KDM4C: variants seen among roughly 807,000 people sequenced by gnomAD.
The protein encoded by KDM4C is lysine demethylase 4C.
KDM4C carries 81 observed loss-of-function variants against 129.3 expected under a neutral mutation model. The ratio of observed to expected loss-of-function variants is 0.63; its 90% CI spans 0.52 to 0.75. The LOEUF (loss-of-function observed/expected upper bound fraction) is 0.75, where lower values mean the gene tolerates loss of function less well. KDM4C is among the 30% of genes least tolerant of loss of function. The pLI is 0.00. For synonymous variants in KDM4C, 573 were observed against 456.1 expected (o/e 1.26, Z -3.26); for missense variants, 1,457 against 1,304.0 (o/e 1.12, Z -1.81).
chr9:7,071,299 A>G (rs1003564228), intron 17 of KDM4C, among the ~76,000 whole-genome samples: 1 of 152,188 alleles, frequency 6.6e-6, no homozygotes, highest in Non-Finnish European at 1.5e-5. Context: ...AGAAAATGAT[A>G]ATCGAATTCT....
At chr9:6,752,177 C>G (rs572027130) in intron 1 of KDM4C, among the ~76,000 whole-genome samples, 77 of 150,052 alleles carry the variant, frequency 5.1e-4, no homozygotes, top group African/African-American at 1.7e-3. Context: ...ACTAAAAATA[C>G]AAAAAATTAG....
intron 15 of KDM4C, among the ~76,000 whole-genome samples, chr9:7,021,971 A>T (rs528971982): frequency 3.9e-5 from 6 of 152,248 alleles, no homozygotes; most frequent in African/African-American, 1.4e-4. Flanking sequence ...CTGTAGATGT[A>T]TGGATTTACC....
Position 7,065,808 on chromosome 9 carries a change from G to A in KDM4C, c.2424+16608G>A, listed in dbSNP as rs189991271. ...TAAGTGTCACTTGTTGATGCATTTA[G>A]TGATTGTTGACCCATATTTAATTCT... On this transcript the variant is annotated intron_variant, in intron 17 of 21. Coordinates refer to ENST00000381309, the MANE Select transcript of KDM4C (RefSeq NM_015061.6). 3.9e-4 allele frequency among the ~76,000 whole-genome samples: 59 copies of A among 152,244 alleles called. 1 individual carries two copies. In the East Asian group the frequency reaches 9.1e-3, roughly 23 times the overall value.
Position 6,984,224 on chromosome 9 carries a change from T to C in KDM4C, c.1174T>C (p.Ser392Pro). The C allele has an allele frequency of 6.2e-7, 1 of 1,613,762 alleles. No individual in the cohort carries two copies. Among genetic ancestry groups the C allele is most frequent in the East Asian group, 2.2e-5 (1 of 44,892 alleles). Residue 392 changes from serine (S) to proline (P), a missense_variant, in exon 10 of 22, where the codon TCA (serine) becomes CCA (proline). By Grantham distance (74) the Ser-to-Pro change is moderately conservative. Coordinates refer to ENST00000381309, the MANE Select transcript of KDM4C (RefSeq NM_015061.6). ...RPKADEEEEV[S>P]DEVDGAEVPN... ...TAAGGCTGATGAGGAAGAGGAAGTG[T>C]CAGATGAAGTCGATGGGGCAGAGGT...
chr9:6,849,580 T>C lies in KDM4C; in HGVS notation c.509T>C (p.Ile170Thr). ...GTTGAAGAAGAGTGTGGCATTTCTA[T>C]TGAGGGTGTAAATACCCCATATCTC... Reference protein sequence around the residue: ...DVVEEECGISIEGVNTPYLYF... With the variant: ...DVVEEECGISTEGVNTPYLYF... Residue 170 changes from isoleucine (I) to threonine (T), a missense_variant, in exon 5 of 22, where the codon ATT becomes ACT. By Grantham distance (89) the Ile-to-Thr change is moderately conservative (BLOSUM62 -1). Transcript: ENST00000381309. 1.2e-6 allele frequency: 2 copies of C among 1,614,042 alleles called. No homozygotes were observed. The highest frequency in any genetic ancestry group is 2.2e-5 in the East Asian group (1 of 44,882).
intron 4 of KDM4C, among the ~76,000 whole-genome samples, chr9:6,832,602 T>C (rs1835061044): frequency 1.3e-5 from 2 of 150,372 alleles, no homozygotes; most frequent in South Asian, 4.2e-4. Context: ...ATTTTTTGTA[T>C]TTTTAGTAGA....
intron 12 of KDM4C, among the ~76,000 whole-genome samples, chr9:6,997,413 A>G (rs1017492681): frequency 6.6e-6 from 1 of 152,204 alleles, no homozygotes; most frequent in East Asian, 1.9e-4. Flanking sequence ...AAAACAAGAG[A>G]GCTTGCTTGC....
chr9:6,846,544 T>C (rs1323179569), intron 4 of KDM4C, among the ~76,000 whole-genome samples: 1 of 125,948 alleles, frequency 7.9e-6, no homozygotes, highest in Admixed American at 8.7e-5. Flanking sequence ...TTTGAAACAA[T>C]AAGATTTATC....
At chr9:6,966,213 C>T (rs1197282206) in intron 8 of KDM4C, among the ~76,000 whole-genome samples, 2 of 151,974 alleles carry the variant, frequency 1.3e-5, no homozygotes, top group African/African-American at 2.4e-5. Context: ...GACGGAGTCT[C>T]GCTCTGTCTC....
chr9:7,053,613 T>A (rs1335946685), intron 17 of KDM4C, among the ~76,000 whole-genome samples: 1 of 152,230 alleles, frequency 6.6e-6, no homozygotes, highest in African/African-American at 2.4e-5. Flanking sequence ...ATATTTTCTT[T>A]TATTTCTGTG....
Position 6,899,408 on chromosome 9 carries a change from T to G in KDM4C, c.921+6176T>G, listed in dbSNP as rs117217239. 2.3e-4 allele frequency among the ~76,000 whole-genome samples: 35 copies of G among 152,258 alleles called. 1 individual carries two copies. In the East Asian group the frequency reaches 6.6e-3, roughly 28 times the overall value. ...CAGGCAACCAGACCAAAGTCCGTAG[T>G]TTACATTAGGGCTCACTCTGGGTGT... On this transcript the variant is annotated intron_variant, in intron 8 of 21. Coordinates refer to ENST00000381309, the MANE Select transcript of KDM4C (RefSeq NM_015061.6).
chr9:6,878,958 C>A (rs73403302), intron 5 of KDM4C, among the ~76,000 whole-genome samples: 3 of 152,170 alleles, frequency 2.0e-5, no homozygotes, highest in Non-Finnish European at 4.4e-5. Context: ...TCGGTTGGAA[C>A]AATTTCATTA....
At position 6,986,596 on chromosome 9, in the gene KDM4C, G is replaced by T; in HGVS notation, c.1607G>T (p.Gly536Val). ...EGEESDVESH[G>V]NGLEPGEIPA... ...GAAGAGAGTGATGTGGAGAGCCATG[G>T]GAATGGCCTTGAACCTGGGGAAATC... Residue 536 changes from glycine (G) to valine (V), a missense_variant, in exon 11 of 22, where the codon GGG (glycine) becomes GTG (valine). Coordinates refer to ENST00000381309, the MANE Select transcript of KDM4C (RefSeq NM_015061.6). The T allele has an allele frequency of 6.2e-7, 1 of 1,614,044 alleles. No homozygotes were observed. The highest frequency in any genetic ancestry group is 8.5e-7 in the Non-Finnish European group (1 of 1,179,954).
At chr9:6,993,923 T>G (rs1192947343) in intron 12 of KDM4C, among the ~76,000 whole-genome samples, 2 of 152,190 alleles carry the variant, frequency 1.3e-5, no homozygotes, top group African/African-American at 4.8e-5. Context: ...TTCATTTCCC[T>G]TAACTTTGCG....
At chr9:7,050,251 T>A (rs1343508969) in intron 17 of KDM4C, among the ~76,000 whole-genome samples, 1 of 139,526 alleles carries the variant, frequency 7.2e-6, no homozygotes, top group African/African-American at 2.5e-5. Flanking sequence ...TTACTGTGGC[T>A]GATGTGAGTG....
chr9:6,765,679 A>G (rs907551208), intron 1 of KDM4C, among the ~76,000 whole-genome samples: 2 of 152,246 alleles, frequency 1.3e-5, no homozygotes, highest in African/African-American at 4.8e-5. Context: ...TAAAACCAGG[A>G]CACGCATTGG....
rs1432429359 is a variant in KDM4C, at chr9:6,763,039, G to GA, written c.-18+4836_-18+4837insA. Among the ~76,000 whole-genome samples the GA allele has an allele frequency of 2.6e-5, 4 of 151,884 alleles. No individual in the cohort carries two copies. In the East Asian group the frequency reaches 7.7e-4, roughly 29 times the overall value. Reference sequence around the variant, plus strand: ...CTCCTTACCCTTCCGCTGGTGGGGGGGGATGGATGGGGGGTAGAGGGGGCG... The same window carrying GA: ...CTCCTTACCCTTCCGCTGGTGGGGGGAGGATGGATGGGGGGTAGAGGGGGCG... On this transcript the variant is annotated intron_variant, in intron 1 of 21. Transcript: ENST00000381309.
intron 19 of KDM4C, among the ~76,000 whole-genome samples, chr9:7,162,181 CTT>C (rs1843872081): frequency 6.6e-6 from 1 of 152,178 alleles, no homozygotes; most frequent in Non-Finnish European, 1.5e-5. Flanking sequence ...CACAGAATAA[CTT>C]ATCTTGTTAC....
chr9:6,912,067 G>A (rs1041758521), intron 8 of KDM4C, among the ~76,000 whole-genome samples: 5 of 152,196 alleles, frequency 3.3e-5, no homozygotes, highest in African/African-American at 4.8e-5. Flanking sequence ...GGCACAGAAC[G>A]GGAAGATGGC....
Sources: allele counts gnomAD v4.1 joint callset (sites outside exome capture counted in the v4.1 genomes callset), GRCh38; gene constraint gnomAD v4.1.1; transcripts MANE v1.5; gene names NCBI Gene and HGNC (gene_info 2026-07-23, HGNC 2026-07-21).